The following ERBB4 variants were observed in gnomAD, a reference collection of about 807,000 sequenced individuals.
ERBB4 encodes receptor tyrosine-protein kinase erbB-4.
ERBB4 carries 42 observed loss-of-function variants against 158.0 expected under a neutral mutation model. The ratio of observed to expected loss-of-function variants is 0.27; its 90% CI spans 0.21 to 0.34. The LOEUF is 0.34. Ranked by LOEUF, ERBB4 falls within the 10% of genes least tolerant of loss-of-function variation. The probability of loss-of-function intolerance (pLI) is 1.00; values close to 1 mark genes in which losing one functional copy is unlikely to be tolerated. For missense variants in ERBB4, 1,333 were observed against 1,624.1 expected (o/e 0.82, Z 3.08); for synonymous variants, 583 against 558.7 (o/e 1.04, Z -0.61).
intron 3 of ERBB4, among the ~76,000 whole-genome samples, chr2:211,839,989 C>T (rs574170871): frequency 6.6e-6 from 1 of 152,178 alleles, no homozygotes; most frequent in East Asian, 1.9e-4. Flanking sequence ...AGTCCTGTTA[C>T]ATGGACAGGA....
intron 3 of ERBB4, among the ~76,000 whole-genome samples, chr2:211,864,021 T>C (rs768578559): frequency 7.2e-5 from 11 of 152,154 alleles, no homozygotes; most frequent in Non-Finnish European, 1.5e-4. Flanking sequence ...GGTCCAGTCC[T>C]GCTGGCAGTA....
At chr2:212,056,421 G>C (rs556734991) in intron 2 of ERBB4, among the ~76,000 whole-genome samples, 5 of 152,108 alleles carry the variant, frequency 3.3e-5, no homozygotes, top group Admixed American at 6.5e-5. Flanking sequence ...TCAGGAAATA[G>C]AGAGAACACC....
At chr2:212,205,493 T>G (rs1202407609) in intron 1 of ERBB4, among the ~76,000 whole-genome samples, 2 of 152,200 alleles carry the variant, frequency 1.3e-5, no homozygotes, top group African/African-American at 4.8e-5. Context: ...TTTTATGATA[T>G]TATAGAAACC....
At chr2:211,400,957 C>G (rs557832704) in intron 25 of ERBB4, among the ~76,000 whole-genome samples, 23 of 151,828 alleles carry the variant, frequency 1.5e-4, no homozygotes, top group African/African-American at 4.8e-4. Flanking sequence ...AAAGTTTAAA[C>G]CAAATTTGAA....
At chr2:212,069,830 A>T (rs1267566235) in intron 2 of ERBB4, among the ~76,000 whole-genome samples, 1 of 152,000 alleles carries the variant, frequency 6.6e-6, no homozygotes, top group Non-Finnish European at 1.5e-5. Flanking sequence ...CAAAAGAATT[A>T]CTTAAGGCTG....
chr2:211,691,952 G>T (rs1209785973), intron 12 of ERBB4, among the ~76,000 whole-genome samples: 1 of 152,114 alleles, frequency 6.6e-6, no homozygotes, highest in Non-Finnish European at 1.5e-5. Flanking sequence ...TCCGTTGAAA[G>T]GTTCTAAGCA....
At chr2:211,933,598 C>T (rs1445990688) in intron 3 of ERBB4, among the ~76,000 whole-genome samples, 1 of 151,872 alleles carries the variant, frequency 6.6e-6, no homozygotes, top group East Asian at 1.9e-4. Flanking sequence ...CATATGTTTT[C>T]TTTAAATCTT....
At chr2:212,517,091 A>C (rs1177320647) in intron 1 of ERBB4, among the ~76,000 whole-genome samples, 2 of 152,164 alleles carry the variant, frequency 1.3e-5, no homozygotes, top group Non-Finnish European at 2.9e-5. Flanking sequence ...TGTGAATTAC[A>C]GATGAAATTC....
In ERBB4 at chr2:212,495,737, C is replaced by T. The variant is rs576686391; in HGVS notation, c.82+42712G>A. ...GAATACATTATCTTTCCTACAAAATCAGATCCCTTAAATTACATAGACGAA... is the reference window on the plus strand; with the variant it reads ...GAATACATTATCTTTCCTACAAAATTAGATCCCTTAAATTACATAGACGAA... On this transcript the variant is annotated intron_variant, in intron 1 of 27. Coordinates refer to ENST00000342788, the MANE Select transcript of ERBB4 (RefSeq NM_005235.3). Among the ~76,000 whole-genome samples, 6 of 152,284 alleles carry T rather than the reference C, an allele frequency of 3.9e-5. No homozygotes were observed. The East Asian group carries it at 1.2e-3, about 29-fold the overall frequency.
chr2:212,072,874 T>C (rs141996641), intron 2 of ERBB4, among the ~76,000 whole-genome samples: 36 of 151,942 alleles, frequency 2.4e-4, no homozygotes, highest in East Asian at 1.2e-3. Context: ...TGCAAATGAG[T>C]GAGTATCTGG....
rs56007115 is a variant in ERBB4, at chr2:211,946,576, C to CTTTTTTTTT, written c.421+845_421+853dup. 1.6e-3 allele frequency among the ~76,000 whole-genome samples: 77 copies of CTTTTTTTTT among 49,584 alleles called. 11 individuals are homozygous for CTTTTTTTTT. The highest frequency in any genetic ancestry group is 6.1e-3 in the East Asian group (8 of 1,312). The allele number at this position is 49,584 out of a possible 152,430, so 32.5% of individuals were successfully genotyped here. A position where few individuals can be genotyped will look rare whatever the true frequency, so the allele number is the denominator to read the frequency against. ...TACTAATTATTTACTAATTAGCTCT[C>CTTTTTTTTT]TTTTTTTTTTTTTTTTTTTTTTTTT... On this transcript the variant is annotated intron_variant, in intron 3 of 27. Transcript: ENST00000342788.
chr2:211,770,060 C>A (rs953944058), intron 4 of ERBB4, among the ~76,000 whole-genome samples: 20 of 152,276 alleles, frequency 1.3e-4, no homozygotes, highest in Non-Finnish European at 2.6e-4. Flanking sequence ...GTTTTACCAA[C>A]CTAGCATTTT....
chr2:212,043,147 C>T (rs897137317), intron 2 of ERBB4, among the ~76,000 whole-genome samples: 2 of 152,056 alleles, frequency 1.3e-5, no homozygotes, highest in Non-Finnish European at 2.9e-5. Context: ...AACAAGTTAC[C>T]TTTGACACGA....
chr2:211,646,183 A>G (rs993278786), intron 16 of ERBB4, among the ~76,000 whole-genome samples: 7 of 151,652 alleles, frequency 4.6e-5, no homozygotes, highest in Non-Finnish European at 7.4e-5. Context: ...ATGTATTAGT[A>G]TGTAGAGAAA....
intron 1 of ERBB4, among the ~76,000 whole-genome samples, chr2:212,358,083 G>A (rs964207639): frequency 1.3e-5 from 2 of 151,726 alleles, no homozygotes; most frequent in African/African-American, 4.8e-5. Flanking sequence ...TTGCTTGACA[G>A]GGAAAATATT....
chr2:211,896,227 A>G (rs1384759966), intron 3 of ERBB4, among the ~76,000 whole-genome samples: 2 of 152,200 alleles, frequency 1.3e-5, no homozygotes, highest in Non-Finnish European at 2.9e-5. Context: ...GTCACCTTAA[A>G]TTTAACAAGT....
chr2:212,537,273 G>A (rs1693139821), intron 1 of ERBB4, among the ~76,000 whole-genome samples: 1 of 151,904 alleles, frequency 6.6e-6, no homozygotes, highest in African/African-American at 2.4e-5. Context: ...TACTTCCCAC[G>A]CTCCAGTCAC....
intron 2 of ERBB4, among the ~76,000 whole-genome samples, chr2:212,068,346 G>C (rs909259851): frequency 4.6e-5 from 7 of 151,988 alleles, no homozygotes; most frequent in African/African-American, 1.7e-4. Flanking sequence ...AATCATAGGA[G>C]ACCATTGTTT....
In ERBB4 at chr2:211,911,078, A is replaced by C. The variant is rs891815697; in HGVS notation, c.421+36352T>G. On this transcript the variant is annotated intron_variant, in intron 3 of 27. Transcript: ENST00000342788. ...TATAGATTTCCAACTAGCTGTTTTC[A>C]CTAGTAAATGAACTCCTTTATTTAT... 2.6e-5 allele frequency among the ~76,000 whole-genome samples: 4 copies of C among 152,312 alleles called. No homozygotes were observed. The South Asian group carries it at 6.2e-4, about 24-fold the overall frequency.
Sources: allele counts gnomAD v4.1 joint callset (sites outside exome capture counted in the v4.1 genomes callset), GRCh38; gene constraint gnomAD v4.1.1; transcripts MANE v1.5; gene names NCBI Gene and HGNC (gene_info 2026-07-23, HGNC 2026-07-21).